Variants in MGST1 observed in about 807,000 individuals in gnomAD.
The protein encoded by MGST1 is glutathione S-transferase 12.
In MGST1, 5 loss-of-function variants were observed where a neutral mutation model predicts 8.9. That is an observed-to-expected ratio of 0.56 (90% confidence interval 0.29 to 1.19). The LOEUF is 1.19. Ranked by LOEUF, MGST1 falls within the 50% of genes most tolerant of loss-of-function variation. The probability of loss-of-function intolerance (pLI) is 0.08; values close to 1 mark genes in which losing one functional copy is unlikely to be tolerated. For missense variants in MGST1, 182 were observed against 187.4 expected, an observed-to-expected ratio of 0.97 and a Z score of 0.17; for synonymous variants, 54 against 67.8, an observed-to-expected ratio of 0.80 and a Z score of 1.00.
Position 16,555,376 on chromosome 12 carries a change from A to G in MGST1, n.483-34152A>G, listed in dbSNP as rs995894880. On this transcript the variant is annotated intron_variant and non_coding_transcript_variant, in intron 4 of 4. Coordinates refer to the MGST1 transcript ENST00000538857. This position sits in a 1 kb window ranked among gnomAD's most constrained non-coding sequence, Gnocchi z 5.5. ...GTGTATTGTTTATTTTGGTGTTTCA[A>G]AATTTCTCATGAATGTGTAACTGGT... Among the ~76,000 whole-genome samples, 1 of 152,134 alleles carries G rather than the reference A, an allele frequency of 6.6e-6. No homozygotes were observed. The highest frequency in any genetic ancestry group is 2.1e-4 in the South Asian group (1 of 4,832).
rs1277979595 is a variant in MGST1 at position 16,566,014 on chromosome 12, AT to A, written n.483-23513del. Among the ~76,000 whole-genome samples, 42 of 81,372 alleles carry A rather than the reference AT, an allele frequency of 5.2e-4. 1 individual carries two copies. The highest frequency in any genetic ancestry group is 1.7e-3 in the African/African-American group (40 of 22,912). 53.4% of individuals were successfully genotyped at this position (81,372 alleles called of 152,430 possible). A position where few individuals can be genotyped will look rare whatever the true frequency, so the allele number is the denominator to read the frequency against. ...TATATATATATATATATATATATAT[AT>A]ATATATATATATATATATATATATA... On this transcript the variant is annotated intron_variant and non_coding_transcript_variant, in intron 4 of 4. Transcript: ENST00000538857.
intron 1 of MGST1, among the ~76,000 whole-genome samples, chr12:16,394,041 C>A (rs1479110651): frequency 1.3e-5 from 2 of 152,186 alleles, no homozygotes; most frequent in Non-Finnish European, 2.9e-5. Context: ...TATGGCCTAA[C>A]TACTGGACTG....
At chr12:16,481,006 G>T (rs1315284187) in intron 4 of MGST1, among the ~76,000 whole-genome samples, 2 of 152,110 alleles carry the variant, frequency 1.3e-5, no homozygotes, top group Non-Finnish European at 1.5e-5. Context: ...AAAATAGGCT[G>T]TGGGCAACAT....
chr12:16,578,106 G>A (rs991718900), intron 4 of MGST1, among the ~76,000 whole-genome samples: 2 of 151,998 alleles, frequency 1.3e-5, no homozygotes, highest in East Asian at 1.9e-4. Flanking sequence ...GCACCTCATC[G>A]CCTCCCAGAA....
At chr12:16,524,463 C>T (rs533237237) in intron 4 of MGST1, among the ~76,000 whole-genome samples, 3 of 152,074 alleles carry the variant, frequency 2.0e-5, no homozygotes, top group South Asian at 2.1e-4. Flanking sequence ...TTGAGCTTAA[C>T]GATGCTGGAG....
At chr12:16,388,879 ACTC>A (rs950930624) in intron 1 of MGST1, among the ~76,000 whole-genome samples, 1 of 152,132 alleles carries the variant, frequency 6.6e-6, no homozygotes, top group African/African-American at 2.4e-5. Context: ...TCCTTCCAGA[ACTC>A]CTGCTCTAGG....
chr12:16,566,524 A>G, intron 4 of MGST1, among the ~76,000 whole-genome samples: 1 of 152,166 alleles, frequency 6.6e-6, no homozygotes, highest in East Asian at 1.9e-4. Flanking sequence ...TACCCTAGAA[A>G]TATGTACCAT....
At chr12:16,525,316 C>A (rs555913529) in intron 4 of MGST1, among the ~76,000 whole-genome samples, 1 of 132,474 alleles carries the variant, frequency 7.5e-6, no homozygotes, top group African/African-American at 2.9e-5. Context: ...CCACAACAGT[C>A]CCCAGTGTGA....
At chr12:16,381,249 A>G (rs1287191607), downstream of MGST1, among the ~76,000 whole-genome samples, 2 of 152,120 alleles carry the variant, frequency 1.3e-5, no homozygotes, top group Non-Finnish European at 2.9e-5. Flanking sequence ...AGTCTTTACA[A>G]TTTGGCATGT....
intron 4 of MGST1, among the ~76,000 whole-genome samples, chr12:16,498,244 G>GTCA (rs1483069677): frequency 2.0e-5 from 3 of 152,148 alleles, no homozygotes; most frequent in Non-Finnish European, 4.4e-5. Flanking sequence ...AGCTGAAAGA[G>GTCA]GCATAATGGT....
In MGST1 at chr12:16,389,957, G is replaced by A. The variant is rs1940535714; in HGVS notation, n.778+6353G>A. Among the ~76,000 whole-genome samples the A allele has an allele frequency of 6.6e-6, 1 of 152,160 alleles. No individual in the cohort carries two copies. Among genetic ancestry groups the A allele is most frequent in the Non-Finnish European group, 1.5e-5 (1 of 68,030 alleles). ...GCTCTTGTGAAAAGGGAGTTGAAGT[G>A]CAATACAGACTGCAGCTCCATCCGT... is the stretch of plus-strand genomic sequence containing the variant. On this transcript the variant is annotated intron_variant and non_coding_transcript_variant, in intron 1 of 1. Coordinates refer to the MGST1 transcript ENST00000359720. The surrounding 1 kb of genome is among the most constrained non-coding windows in gnomAD (Gnocchi z 4.6).
At chr12:16,353,692 A>G (rs1939577218) in intron 1 of MGST1, among the ~76,000 whole-genome samples, 1 of 150,848 alleles carries the variant, frequency 6.6e-6, no homozygotes, top group Non-Finnish European at 1.5e-5. Flanking sequence ...TTTTTTTTCA[A>G]GTAGTACTTG....
In MGST1 at chr12:16,562,785, T is replaced by C. The variant is rs578024084; in HGVS notation, n.483-26743T>C. Among the ~76,000 whole-genome samples, 6 of 152,312 alleles carry C rather than the reference T, an allele frequency of 3.9e-5. No homozygotes were observed. The South Asian group carries it at 1.2e-3, about 32-fold the overall frequency. On this transcript the variant is annotated intron_variant and non_coding_transcript_variant, in intron 4 of 4. Coordinates refer to the MGST1 transcript ENST00000538857. ...AAGCTCTGGGTTAATAACAGACAAATGATTTGTTGCATCTAAACAAAGTCC... is the reference window on the plus strand; with the variant it reads ...AAGCTCTGGGTTAATAACAGACAAACGATTTGTTGCATCTAAACAAAGTCC...
downstream of MGST1, among the ~76,000 whole-genome samples, chr12:16,365,742 C>T (rs537708361): frequency 1.6e-4 from 19 of 120,152 alleles, no homozygotes; most frequent in African/African-American, 3.7e-4. Flanking sequence ...CGCGTGCACG[C>T]GCACACACAC....
In MGST1 at chr12:16,401,861, A is replaced by G. The variant is rs915059256; in HGVS notation, n.778+18257A>G. ...TGTTGAAGACTTCAGAAGTGATGCC[A>G]GCTGCTTTCTTCATTAATTTGAGCT... On this transcript the variant is annotated intron_variant and non_coding_transcript_variant, in intron 1 of 1. Coordinates refer to the MGST1 transcript ENST00000359720. This position sits in a 1 kb window ranked among gnomAD's most constrained non-coding sequence, Gnocchi z 4.3. The G allele has an allele frequency of 6.2e-6, 10 of 1,604,060 alleles. No homozygotes were observed. Among genetic ancestry groups the G allele is most frequent in the Non-Finnish European group, 7.7e-6 (9 of 1,170,818 alleles).
At chr12:16,415,030 A>T (rs991911778) in intron 1 of MGST1, among the ~76,000 whole-genome samples, 9 of 151,708 alleles carry the variant, frequency 5.9e-5, no homozygotes, top group South Asian at 2.1e-4. Context: ...GCCTCAAAAA[A>T]TTTTTTTTTC....
At chr12:16,384,189 T>C (rs1254937146) in intron 1 of MGST1, among the ~76,000 whole-genome samples, 2 of 152,142 alleles carry the variant, frequency 1.3e-5, no homozygotes, top group Non-Finnish European at 1.5e-5. Flanking sequence ...ATAGGCACCC[T>C]ATTGAAGGAT....
At chr12:16,533,998 G>T (rs550265151) in intron 4 of MGST1, among the ~76,000 whole-genome samples, 1 of 152,106 alleles carries the variant, frequency 6.6e-6, no homozygotes, top group Non-Finnish European at 1.5e-5. Flanking sequence ...TGTGGCTGGC[G>T]CATGGTTTAT....
chr12:16,516,949 TAGTC>T (rs1359707144), intron 4 of MGST1, among the ~76,000 whole-genome samples: 1 of 152,170 alleles, frequency 6.6e-6, no homozygotes, highest in African/African-American at 2.4e-5. Flanking sequence ...TATTCTCTGA[TAGTC>T]AGGAATGTCA....
Sources: gnomAD v4.1 joint callset for allele counts (sites outside exome capture counted in the v4.1 genomes callset) on GRCh38, gnomAD v4.1.1 for gene constraint, Gnocchi (gnomAD v3.1) non-coding constraint, MANE v1.5 for transcripts, NCBI Gene and HGNC (gene_info 2026-07-23, HGNC 2026-07-21) for gene names.